TCF7L2: variants seen among roughly 807,000 people sequenced by gnomAD.
TCF7L2 encodes the protein transcription factor 7 like 2.
A neutral mutation model predicts 77.9 loss-of-function variants in TCF7L2; 23 were observed. That is an observed-to-expected ratio of 0.30 (90% CI 0.21 to 0.42). The LOEUF (loss-of-function observed/expected upper bound fraction) is 0.42, where lower values mean the gene tolerates loss of function less well. TCF7L2 is among the 10% of genes least tolerant of loss of function. The pLI, the probability that TCF7L2 is intolerant of heterozygous loss-of-function variation, is 1.00. For synonymous variants in TCF7L2, 413 were observed against 340.2 expected (o/e 1.21, Z -2.36); for missense variants, 654 against 793.1 (o/e 0.82, Z 2.11).
At chr10:113,109,418 C>T (rs1327839207) in intron 5 of TCF7L2, among the ~76,000 whole-genome samples, 1 of 152,030 alleles carries the variant, frequency 6.6e-6, no homozygotes, top group Non-Finnish European at 1.5e-5. Flanking sequence ...ACAGGACAGG[C>T]TCTGGCTCTG....
At chr10:113,009,817 G>T (rs773543311) in intron 4 of TCF7L2, among the ~76,000 whole-genome samples, 1 of 152,184 alleles carries the variant, frequency 6.6e-6, no homozygotes, top group Non-Finnish European at 1.5e-5. Context: ...AAGACAACCC[G>T]GTGAGTCTCA....
intron 5 of TCF7L2, among the ~76,000 whole-genome samples, chr10:113,054,732 A>G (rs1193138646): frequency 6.6e-6 from 1 of 152,164 alleles, no homozygotes; most frequent in Non-Finnish European, 1.5e-5. Context: ...AGGTTTTTAT[A>G]CTTTTCGACA....
At chr10:113,075,762 G>C (rs1018867083) in intron 5 of TCF7L2, among the ~76,000 whole-genome samples, 6 of 152,166 alleles carry the variant, frequency 3.9e-5, no homozygotes, top group African/African-American at 1.4e-4. Context: ...AAGAGATAAT[G>C]TGAAGTCATT....
intron 5 of TCF7L2, among the ~76,000 whole-genome samples, chr10:113,077,515 A>G (rs1260129269): frequency 1.3e-5 from 2 of 151,672 alleles, no homozygotes; most frequent in Non-Finnish European, 2.9e-5. Context: ...CTTCTCCCCC[A>G]TGCCCAAGGC....
intron 5 of TCF7L2, among the ~76,000 whole-genome samples, chr10:113,104,181 C>T (rs2061987751): frequency 6.6e-6 from 1 of 152,148 alleles, no homozygotes; most frequent in African/African-American, 2.4e-5. Context: ...TCCTAATCCT[C>T]GTGGGAGCTT....
intron 4 of TCF7L2, among the ~76,000 whole-genome samples, chr10:112,977,467 CG>C: frequency 6.6e-6 from 1 of 152,186 alleles, no homozygotes. Context: ...CATTGACATA[CG>C]GGCCGTCATC....
intron 5 of TCF7L2, among the ~76,000 whole-genome samples, chr10:113,138,910 A>C (rs1231906168): frequency 6.6e-6 from 1 of 152,122 alleles, no homozygotes; most frequent in African/African-American, 2.4e-5. Context: ...ATGAGTGAAA[A>C]GCATCCCGGG....
chr10:112,986,023 A>C (rs767404802), intron 4 of TCF7L2, among the ~76,000 whole-genome samples: 2 of 152,040 alleles, frequency 1.3e-5, no homozygotes, highest in African/African-American at 2.4e-5. Flanking sequence ...AAGACGAGGG[A>C]GTAAAGAAGT....
intron 4 of TCF7L2, among the ~76,000 whole-genome samples, chr10:112,979,626 C>T: frequency 6.6e-6 from 1 of 151,980 alleles, no homozygotes; most frequent in Non-Finnish European, 1.5e-5. Context: ...GGTGTAGTGG[C>T]ATGCACCTGT....
At chr10:112,994,866 G>T (rs2043179158) in intron 4 of TCF7L2, among the ~76,000 whole-genome samples, 1 of 152,094 alleles carries the variant, frequency 6.6e-6, no homozygotes. Flanking sequence ...TTGGGAGACT[G>T]AGGCGAGCAG....
At position 113,146,014 on chromosome 10, in the gene TCF7L2, A is replaced by G. The variant is rs751240120; in HGVS notation, c.792A>G (p.Gln264=). ...ACTTTGTACCCCTTCTTTGTAGGCAAGGTCAACCAGTGTACCCAATCACGA... is the reference window on the plus strand; with the variant it reads ...ACTTTGTACCCCTTCTTTGTAGGCAGGGTCAACCAGTGTACCCAATCACGA... Residue 264 remains glutamine, a synonymous_variant, in exon 8 of 14, where the codon CAA becomes CAG. Transcript: ENST00000627217. The G allele has an allele frequency of 1.2e-6, 2 of 1,603,652 alleles. No homozygotes were observed. Among genetic ancestry groups the G allele is most frequent in the East Asian group, 4.5e-5 (2 of 44,500 alleles).
At chr10:112,953,738 C>T (rs1403386860) in intron 3 of TCF7L2, among the ~76,000 whole-genome samples, 1 of 152,066 alleles carries the variant, frequency 6.6e-6, no homozygotes, top group East Asian at 1.9e-4. Flanking sequence ...AAATGATTTC[C>T]CGGTGAGAAA....
In TCF7L2 at chr10:113,089,618, C is replaced by T. The variant is rs938362639; in HGVS notation, c.552+49492C>T. The T allele has an allele frequency of 3.2e-6, 5 of 1,550,412 alleles. No homozygotes were observed. In the Admixed American group the frequency reaches 5.6e-5, roughly 18 times the overall value. ...CCGCCCACCCAAAGTTTACCTCTCT[C>T]TAGGGCAGGGCCCATCCACTGCGAT... On this transcript the variant is annotated intron_variant, in intron 5 of 13. Coordinates refer to ENST00000627217, the MANE Select transcript of TCF7L2 (RefSeq NM_001146274.2).
intron 4 of TCF7L2, among the ~76,000 whole-genome samples, chr10:112,988,576 G>A (rs1442676118): frequency 6.6e-6 from 1 of 152,146 alleles, no homozygotes; most frequent in Non-Finnish European, 1.5e-5. Flanking sequence ...TTTTCTCTTA[G>A]TTTCCTTTCT....
intron 5 of TCF7L2, among the ~76,000 whole-genome samples, chr10:113,079,933 C>T (rs1013164492): frequency 6.6e-6 from 1 of 152,070 alleles, no homozygotes; most frequent in Non-Finnish European, 1.5e-5. Context: ...GCTGGGATTA[C>T]AAGTGTGAGC....
intron 3 of TCF7L2, among the ~76,000 whole-genome samples, chr10:112,952,182 C>T (rs534038482): frequency 6.6e-6 from 1 of 152,320 alleles, no homozygotes; most frequent in African/African-American, 2.4e-5. Flanking sequence ...GCGCGCAGAG[C>T]CCGGGGCCCT....
chr10:113,104,921 G>C (rs545192304), intron 5 of TCF7L2, among the ~76,000 whole-genome samples: 1 of 152,140 alleles, frequency 6.6e-6, no homozygotes, highest in East Asian at 1.9e-4. Flanking sequence ...CTCAGCCCCC[G>C]CTTATTCAAA....
intron 4 of TCF7L2, among the ~76,000 whole-genome samples, chr10:112,973,780 G>C (rs1033137598): frequency 6.6e-6 from 1 of 151,962 alleles, no homozygotes; most frequent in Non-Finnish European, 1.5e-5. Context: ...TGGTAGATAC[G>C]GCGTTTCACC....
At chr10:112,967,437 A>G (rs2037207151) in intron 4 of TCF7L2, among the ~76,000 whole-genome samples, 3 of 152,118 alleles carry the variant, frequency 2.0e-5, no homozygotes, top group African/African-American at 7.2e-5. Context: ...CACTGTTTAT[A>G]TGAATGGCCT....
Sources: allele counts gnomAD v4.1 joint callset (sites outside exome capture counted in the v4.1 genomes callset), GRCh38; gene constraint gnomAD v4.1.1; transcripts MANE v1.5; gene names NCBI Gene and HGNC (gene_info 2026-07-23, HGNC 2026-07-21).